Variants in ADGRB3 observed in about 807,000 individuals in gnomAD.
ADGRB3 encodes brain-specific angiogenesis inhibitor 3.
Under a neutral mutation model 193.4 loss-of-function variants are expected in ADGRB3, and 37 were observed. The ratio of observed to expected loss-of-function variants is 0.19; its 90% confidence interval spans 0.15 to 0.25. The LOEUF (loss-of-function observed/expected upper bound fraction) is 0.25. Ranked by LOEUF, ADGRB3 falls within the 10% of genes least tolerant of loss-of-function variation. The pLI is 1.00. For missense variants in ADGRB3, 1,637 were observed against 1,852.9 expected (o/e 0.88, Z 2.14); for synonymous variants, 690 against 644.2 (o/e 1.07, Z -1.08).
chr6:69,357,455 T>G (rs1410699), intron 28 of ADGRB3, among the ~76,000 whole-genome samples: 138,687 of 151,982 alleles, frequency 0.91, 63,342 homozygotes, highest in East Asian at 1. Context: ...CTAAAAGTTT[T>G]ATAAGACTAC....
chr6:69,307,236 A>G (rs1768085187), intron 20 of ADGRB3, among the ~76,000 whole-genome samples: 1 of 151,502 alleles, frequency 6.6e-6, no homozygotes, highest in Admixed American at 6.6e-5. Flanking sequence ...TGTCTTCTAT[A>G]AAGTTATAGT....
intron 25 of ADGRB3, 23 bp from the exon 26 acceptor site, chr6:69,339,310 T>C (rs1418567085): frequency 7.5e-6 from 12 of 1,610,006 alleles, no homozygotes; most frequent in Non-Finnish European, 1.0e-5. Flanking sequence ...AGCTACGTAA[T>C]GTTACTTTCT....
At chr6:68,750,378 A>C (rs1228472344) in intron 3 of ADGRB3, among the ~76,000 whole-genome samples, 1 of 152,164 alleles carries the variant, frequency 6.6e-6, no homozygotes, top group Non-Finnish European at 1.5e-5. Context: ...AAAATAGGAC[A>C]TATGTATTAC....
intron 17 of ADGRB3, among the ~76,000 whole-genome samples, chr6:69,202,079 T>A (rs894301480): frequency 6.6e-6 from 1 of 152,170 alleles, no homozygotes; most frequent in Admixed American, 6.6e-5. Context: ...CCTTCCTCAG[T>A]GTTCTACAGA....
In ADGRB3 at chr6:68,872,630, A is replaced by G. The variant is rs1310611791; in HGVS notation, c.758-57929A>G. Among the ~76,000 whole-genome samples the G allele has an allele frequency of 2.0e-5, 3 of 152,134 alleles. No individual in the cohort carries two copies. The East Asian group carries it at 5.8e-4, about 29-fold the overall frequency. On this transcript the variant is annotated intron_variant, in intron 3 of 31. Coordinates refer to ENST00000370598, the MANE Select transcript of ADGRB3 (RefSeq NM_001704.3). Reference sequence around the variant, plus strand: ...ACACCAAAATGATTGGCCCTTGTGAATGGGTTTATTAGTTCTGTGATTTCT... The same window carrying G: ...ACACCAAAATGATTGGCCCTTGTGAGTGGGTTTATTAGTTCTGTGATTTCT...
intron 31 of ADGRB3, among the ~76,000 whole-genome samples, chr6:69,386,823 C>G (rs960824947): frequency 6.6e-6 from 1 of 151,992 alleles, no homozygotes; most frequent in Admixed American, 6.6e-5. Flanking sequence ...TTATGTGTTT[C>G]CTGTATAAAG....
At chr6:68,999,316 G>A (rs1422381351) in intron 11 of ADGRB3, among the ~76,000 whole-genome samples, 2 of 148,492 alleles carry the variant, frequency 1.3e-5, no homozygotes, top group Admixed American at 6.7e-5. Flanking sequence ...CCAGGCTGGA[G>A]ATCAGTGGCG....
chr6:69,143,804 G>T (rs1774407967), intron 17 of ADGRB3, among the ~76,000 whole-genome samples: 1 of 152,116 alleles, frequency 6.6e-6, no homozygotes, highest in Non-Finnish European at 1.5e-5. Flanking sequence ...ATAATTTGAA[G>T]TCAGGTAATG....
chr6:69,050,039 C>T (rs1271134638), intron 15 of ADGRB3, among the ~76,000 whole-genome samples: 1 of 152,184 alleles, frequency 6.6e-6, no homozygotes, highest in Non-Finnish European at 1.5e-5. Flanking sequence ...CTCCACATCA[C>T]CTCGTTTTGG....
chr6:69,179,165 C>T (rs1775512548), intron 17 of ADGRB3, among the ~76,000 whole-genome samples: 1 of 151,946 alleles, frequency 6.6e-6, no homozygotes, highest in African/African-American at 2.4e-5. Context: ...AAATGAATTC[C>T]TCAAAGAATT....
At position 69,339,540 on chromosome 6, in the gene ADGRB3, T is replaced by C. The variant is rs1768930918; in HGVS notation, c.3459+36T>C. 5.0e-6 allele frequency: 8 copies of C among 1,587,954 alleles called. No homozygotes were observed. The East Asian group carries it at 1.3e-4, about 27-fold the overall frequency. ...TTCTTGTGATAGAGAACAGTGATGG[T>C]TGGAATGGTATTTCCTTGCTAAAAA... On this transcript the variant is annotated intron_variant, in intron 26 of 31. Coordinates refer to ENST00000370598, the MANE Select transcript of ADGRB3 (RefSeq NM_001704.3).
At chr6:69,309,774 T>C (rs574571261) in intron 20 of ADGRB3, among the ~76,000 whole-genome samples, 1 of 151,748 alleles carries the variant, frequency 6.6e-6, no homozygotes, top group African/African-American at 2.4e-5. Context: ...TTCTTCTCTC[T>C]TTCTTGCTCC....
intron 3 of ADGRB3, among the ~76,000 whole-genome samples, chr6:68,915,539 A>T (rs1343491630): frequency 6.6e-6 from 1 of 152,242 alleles, no homozygotes; most frequent in Non-Finnish European, 1.5e-5. Flanking sequence ...TATTTTAGAC[A>T]GCTATATGCT....
intron 17 of ADGRB3, among the ~76,000 whole-genome samples, chr6:69,230,292 A>C (rs1317665568): frequency 6.6e-6 from 1 of 152,224 alleles, no homozygotes; most frequent in East Asian, 1.9e-4. Flanking sequence ...ATAACAAACT[A>C]GACGCCATAA....
At chr6:69,205,977 T>C (rs1435317583) in intron 17 of ADGRB3, among the ~76,000 whole-genome samples, 1 of 143,972 alleles carries the variant, frequency 6.9e-6, no homozygotes, top group African/African-American at 2.6e-5. Context: ...ATTGTATTAG[T>C]CAGGGTTCTC....
At chr6:69,351,867 A>G (rs778553061) in intron 26 of ADGRB3, among the ~76,000 whole-genome samples, 2 of 152,254 alleles carry the variant, frequency 1.3e-5, no homozygotes, top group African/African-American at 4.8e-5. Flanking sequence ...GGGAGTGGTT[A>G]GCAAGGACCA....
At chr6:69,323,774 A>C (rs1768511560) in intron 20 of ADGRB3, among the ~76,000 whole-genome samples, 2 of 152,108 alleles carry the variant, frequency 1.3e-5, no homozygotes, top group Admixed American at 1.3e-4. Context: ...CTAAGTCAAC[A>C]TCTGGTGAAA....
intron 3 of ADGRB3, among the ~76,000 whole-genome samples, chr6:68,817,839 AT>A (rs749977224): frequency 6.6e-6 from 1 of 152,084 alleles, no homozygotes; most frequent in East Asian, 1.9e-4. Context: ...TTGAGAAAAA[AT>A]TAATGATCTC....
In ADGRB3 at chr6:68,642,806, TA is replaced by T. The variant is rs1175461149; in HGVS notation, c.757+3385del. Among the ~76,000 whole-genome samples, 869 of 144,990 alleles carry T rather than the reference TA, an allele frequency of 6.0e-3. 7 individuals are homozygous for T. The highest frequency in any genetic ancestry group is 5.9e-3 in the Admixed American group (85 of 14,502). On this transcript the variant is annotated intron_variant, in intron 3 of 31. Transcript: ENST00000370598. ...CTCTTAACATATAATGGCTATAACTTAAAAAAAAAAACTCAAATAACATTAT... is the reference window on the plus strand; with the variant it reads ...CTCTTAACATATAATGGCTATAACTTAAAAAAAAAACTCAAATAACATTAT...
Sources: allele counts gnomAD v4.1 joint callset (sites outside exome capture counted in the v4.1 genomes callset), GRCh38; gene constraint gnomAD v4.1.1; transcripts MANE v1.5; gene names NCBI Gene and HGNC (gene_info 2026-07-23, HGNC 2026-07-21).